DEF8: variants seen among roughly 807,000 people sequenced by gnomAD.
DEF8 encodes DEF-8.
In DEF8, 38 loss-of-function variants were observed where a neutral mutation model predicts 59.1. That is an observed-to-expected ratio of 0.64 (90% CI 0.50 to 0.84). The LOEUF (loss-of-function observed/expected upper bound fraction) is 0.84, where lower values mean the gene tolerates loss of function less well. Among genes scored for constraint, DEF8 ranks in the 40% least tolerant of loss-of-function variants. DEF8 has a pLI of 0.00. For synonymous variants in DEF8, 265 were observed against 250.1 expected, an observed-to-expected ratio of 1.06 and a Z score of -0.56; for missense variants, 557 against 615.2, an observed-to-expected ratio of 0.91 and a Z score of 1.00.
intron 6 of DEF8, 80 bp from the exon 7 acceptor site, chr16:89,960,851 G>T: frequency 6.7e-7 from 1 of 1,496,208 alleles, no homozygotes; most frequent in Non-Finnish European, 9.2e-7. Context: ...CCCACGGGGA[G>T]GGGGCAAGCC....
At chr16:89,961,174 G>T (rs951503811) in intron 7 of DEF8, 79 bp downstream of exon 7, 2 of 1,537,612 alleles carry the variant, frequency 1.3e-6, no homozygotes, top group Non-Finnish European at 1.8e-6. Context: ...GTAAGGGCAC[G>T]TAAGTCAGAC....
rs531027634 is a variant in DEF8, at chr16:89,964,097, T to G, written c.1003-73T>G. 2.5e-6 allele frequency: 4 copies of G among 1,597,810 alleles called. No individual in the cohort carries two copies. The African/African-American group carries it at 5.4e-5, about 21-fold the overall frequency. Reference sequence around the variant, plus strand: ...CTGTGAGCACCTGGGCCCTGACCACTGCAGCGACCATGGGTGGGCGGTGGG... The same window carrying G: ...CTGTGAGCACCTGGGCCCTGACCACGGCAGCGACCATGGGTGGGCGGTGGG... On this transcript the variant is annotated intron_variant, in intron 10 of 12. Transcript: ENST00000563594.
At chr16:89,961,430 G>A (rs8062311) in intron 7 of DEF8, among the ~76,000 whole-genome samples, 22,056 of 152,224 alleles carry the variant, frequency 0.14, 1,812 homozygotes, top group African/African-American at 0.22. Context: ...GGGGTCTAGG[G>A]AGAGTACACG....
intron 2 of DEF8, among the ~76,000 whole-genome samples, chr16:89,952,015 C>A (rs987774091): frequency 6.6e-6 from 1 of 152,020 alleles, no homozygotes; most frequent in Non-Finnish European, 1.5e-5. Context: ...GTAGCTGGGG[C>A]TACAGGCGCC....
chr16:89,956,227 C>T (rs566832654), intron 4 of DEF8, among the ~76,000 whole-genome samples: 51 of 152,146 alleles, frequency 3.4e-4, no homozygotes, highest in Non-Finnish European at 4.9e-4. Flanking sequence ...GAGGCCGAGG[C>T]GGGCGGATCG....
In DEF8 at chr16:89,958,910, G is replaced by A. The variant is rs553715676; in HGVS notation, c.373-104G>A. 3.9e-6 allele frequency: 6 copies of A among 1,540,700 alleles called. No homozygotes were observed. The East Asian group carries it at 1.4e-4, about 35-fold the overall frequency. ...CATTGTGCTGAAACTCACAATCTCT[G>A]CCCTAAATGGTGCCTGGAAGAAATA... On this transcript the variant is annotated intron_variant, in intron 5 of 12. Transcript: ENST00000563594.
At position 89,949,408 on chromosome 16, in the gene DEF8, TC is replaced by T; in HGVS notation, c.-107-6del. On this transcript the variant is annotated splice_polypyrimidine_tract_variant and splice_region_variant and intron_variant, in intron 1 of 12. Coordinates refer to ENST00000563594, the MANE Select transcript of DEF8 (RefSeq NM_001242818.2). ...GGAGGCACAGTGCTGGGGTGGCTTC[TC>T]CCTGCAGCAGGTGCCGAACCCACGG... The T allele has an allele frequency of 6.3e-7, 1 of 1,597,684 alleles. No homozygotes were observed.
At position 89,964,280 on chromosome 16, in the gene DEF8, C is replaced by G. The variant is rs535926597; in HGVS notation, c.1113C>G (p.Leu371=). Residue 371 remains leucine (L), a synonymous_variant, in exon 11 of 13, where the codon CTC becomes CTG. Transcript: ENST00000563594. Reference sequence around the variant, plus strand: ...GCTCGCTCACCGAGATCCACACGCTCTTCGCCAAGCACATCAAGCTGGACT... The same window carrying G: ...GCTCGCTCACCGAGATCCACACGCTGTTCGCCAAGCACATCAAGCTGGACT... ...LGCSLTEIHT[L]FAKHIKLDCE... 1.9e-6 allele frequency: 3 copies of G among 1,602,448 alleles called. No homozygotes were observed. Among genetic ancestry groups the G allele is most frequent in the African/African-American group, 1.3e-5 (1 of 74,902 alleles).
intron 11 of DEF8, 76 bp from the exon 12 acceptor site, chr16:89,964,390 G>T: frequency 6.5e-7 from 1 of 1,548,428 alleles, no homozygotes. Flanking sequence ...CCAGCCCAGT[G>T]TGTCCCTGGC....
chr16:89,955,187 C>T lies in DEF8; in HGVS notation c.143C>T (p.Pro48Leu). Reference sequence around the variant, plus strand: ...CCTCCAGAGGCCCTGCCTGAGCTGCCCCCTGGGGAGCCGGAATTCCGCTGC... The same window carrying T: ...CCTCCAGAGGCCCTGCCTGAGCTGCTCCCTGGGGAGCCGGAATTCCGCTGC... ...VTPEEALPEL[P>L]PGEPEFRCPE... The change falls in exon 4 of 13, where the codon CCC (proline) becomes CTC (leucine). Residue 48 changes from proline (P) to leucine (L), a missense_variant. By Grantham distance (98) the Pro-to-Leu change is moderately conservative (BLOSUM62 -3). Transcript: ENST00000563594. 6 of 1,613,570 alleles carry T rather than the reference C, an allele frequency of 3.7e-6. No individual in the cohort carries two copies. The highest frequency in any genetic ancestry group is 5.1e-6 in the Non-Finnish European group (6 of 1,179,924).
At chr16:89,953,485 C>A (rs746813352) in intron 2 of DEF8, among the ~76,000 whole-genome samples, 4 of 152,140 alleles carry the variant, frequency 2.6e-5, no homozygotes, top group African/African-American at 9.7e-5. Context: ...GAACTAGGCC[C>A]TTCCGGCCTG....
In DEF8 at chr16:89,962,215, C is replaced by T. The variant is rs954081857; in HGVS notation, c.921+90C>T. 167 of 1,208,110 alleles carry T rather than the reference C, an allele frequency of 1.4e-4. No homozygotes were observed. The African/African-American group carries it at 1.6e-3, about 12-fold the overall frequency. The allele number at this position is 1,208,110 out of a possible 1,614,324, so 74.8% of individuals were successfully genotyped here. On this transcript the variant is annotated intron_variant, in intron 9 of 12. Coordinates refer to ENST00000563594, the MANE Select transcript of DEF8 (RefSeq NM_001242818.2). ...CAGTACCCTCTTCTCCTCTGGGCCA[C>T]GGGAGGTTCTGAGCAGAGGAGGGAG...
At chr16:89,963,261 C>T (rs977402752) in intron 9 of DEF8, 102 bp from the exon 10 acceptor site, 2 of 949,568 alleles carry the variant, frequency 2.1e-6, no homozygotes, top group African/African-American at 3.4e-5. Context: ...TCGTGGGGAA[C>T]CAACCCCTCC....
intron 2 of DEF8, among the ~76,000 whole-genome samples, chr16:89,951,232 C>G (rs1308230581): frequency 6.6e-6 from 1 of 151,920 alleles, no homozygotes; most frequent in Non-Finnish European, 1.5e-5. Flanking sequence ...TACCATGAAA[C>G]TATTGGGATC....
At position 89,961,398 on chromosome 16, in the gene DEF8, C is replaced by T. The variant is rs146356364; in HGVS notation, c.679+303C>T. Reference sequence around the variant, plus strand: ...AGATGAGGACTAGGGAGAAGTCACACAGCACAGAAAGCCTCATAGACGGGG... The same window carrying T: ...AGATGAGGACTAGGGAGAAGTCACATAGCACAGAAAGCCTCATAGACGGGG... On this transcript the variant is annotated intron_variant, in intron 7 of 12. Transcript: ENST00000563594. 9.6e-3 allele frequency among the ~76,000 whole-genome samples: 1,460 copies of T among 152,332 alleles called. 24 individuals are homozygous for T. Among genetic ancestry groups the T allele is most frequent in the Admixed American group, 0.016 (249 of 15,304 alleles).
intron 6 of DEF8, among the ~76,000 whole-genome samples, chr16:89,960,457 T>C (rs1236914949): frequency 6.6e-6 from 1 of 152,092 alleles, no homozygotes; most frequent in Non-Finnish European, 1.5e-5. Flanking sequence ...TGCAGTGAGC[T>C]CTGATTGCAC....
chr16:89,949,004 TCGGGGCTGGGAGGGA>T (rs1464497639), intron 1 of DEF8, among the ~76,000 whole-genome samples, 190 bp downstream of exon 1: 2 of 21,422 alleles, frequency 9.3e-5, no homozygotes, highest in African/African-American at 4.0e-4. Context: ...GCCGGCGGGG[TCGGGGCTGGGAGGGA>T]CGGGGCCGGC....
intron 6 of DEF8, 90 bp downstream of exon 6, chr16:89,959,245 T>C (rs1363649532): frequency 1.9e-6 from 3 of 1,581,524 alleles, no homozygotes; most frequent in Non-Finnish European, 8.6e-7. Context: ...AGCTATCCAG[T>C]GTGGTGGCCA....
At chr16:89,955,077 T>C (rs2032915915) in intron 3 of DEF8, 92 bp from the exon 4 acceptor site, 7 of 1,007,872 alleles carry the variant, frequency 6.9e-6, no homozygotes, top group Admixed American at 1.8e-5. Context: ...CCTGAATCCC[T>C]TTCCCACTCC....
Sources: allele counts gnomAD v4.1 joint callset (sites outside exome capture counted in the v4.1 genomes callset), GRCh38; gene constraint gnomAD v4.1.1; transcripts MANE v1.5; gene names NCBI Gene and HGNC (gene_info 2026-07-23, HGNC 2026-07-21).